SCARA3: variants seen among roughly 807,000 people sequenced by gnomAD.
SCARA3 encodes scavenger receptor class A member 3.
A neutral mutation model predicts 47.0 loss-of-function variants in SCARA3; 39 were observed. The observed-to-expected ratio is 0.83, with a 90% CI of 0.64 to 1.08. The LOEUF (loss-of-function observed/expected upper bound fraction) is 1.08, where lower values mean the gene tolerates loss of function less well. Ranked by LOEUF, SCARA3 falls within the 50% of genes least tolerant of loss-of-function variation. The pLI is 0.00. For synonymous variants in SCARA3, 356 were observed against 334.1 expected, an observed-to-expected ratio of 1.07 and a Z score of -0.71; for missense variants, 724 against 792.3, an observed-to-expected ratio of 0.91 and a Z score of 1.04.
rs1320974832 is a variant in SCARA3, at chr8:27,672,799, C to A, written c.*1448C>A. On this transcript the variant is annotated 3_prime_UTR_variant, in exon 6 of 6. Coordinates refer to ENST00000301904, the MANE Select transcript of SCARA3 (RefSeq NM_016240.3). ...GTTCAAACAGATTCAGGCACCACCCCCTCCACCGCCCGCAAGGTTAGGGCA... is the reference window on the plus strand; with the variant it reads ...GTTCAAACAGATTCAGGCACCACCCACTCCACCGCCCGCAAGGTTAGGGCA... The A allele has an allele frequency of 4.1e-6, 4 of 985,536 alleles. No individual in the cohort carries two copies. The highest frequency in any genetic ancestry group is 1.7e-5 in the African/African-American group (1 of 57,236). The allele number at this position is 985,536 out of a possible 1,614,324, so 61.0% of individuals were successfully genotyped here.
At chr8:27,720,066 G>T in the SCARA3 span, among the ~76,000 whole-genome samples, 1 of 152,156 alleles carries the variant, frequency 6.6e-6, no homozygotes, top group Admixed American at 6.5e-5. Context: ...CCAGGTCAGA[G>T]GATGGGGAGG....
chr8:27,706,678 G>A, the SCARA3 span, among the ~76,000 whole-genome samples: 4 of 152,128 alleles, frequency 2.6e-5, no homozygotes, highest in African/African-American at 9.7e-5. Context: ...GAAGACAAAA[G>A]CAGGTAAATG....
the SCARA3 span, among the ~76,000 whole-genome samples, chr8:27,724,663 A>C: frequency 6.6e-6 from 1 of 152,226 alleles, no homozygotes; most frequent in East Asian, 1.9e-4. Context: ...TTCTCAAAAC[A>C]AAACCAAACA....
the SCARA3 span, chr8:27,701,768 C>T: frequency 2.0e-5 from 3 of 152,486 alleles, no homozygotes; most frequent in Non-Finnish European, 4.5e-5. Context: ...TTATATCACT[C>T]GTATGTCTAC....
chr8:27,703,534 A>T, the SCARA3 span: 1 of 152,404 alleles, frequency 6.6e-6, no homozygotes, highest in African/African-American at 2.4e-5. Flanking sequence ...CTGGTCTCCC[A>T]ACCGGCAATG....
At chr8:27,675,916 A>T (rs1031612687), downstream of SCARA3, among the ~76,000 whole-genome samples, 5 of 152,138 alleles carry the variant, frequency 3.3e-5, no homozygotes, top group African/African-American at 1.2e-4. Flanking sequence ...TGGGGGAGGA[A>T]CGTGTACTTC....
chr8:27,657,386 C>A (rs747296080), intron 4 of SCARA3, among the ~76,000 whole-genome samples: 1 of 149,964 alleles, frequency 6.7e-6, no homozygotes, highest in Non-Finnish European at 1.5e-5. Flanking sequence ...TTGCGTGACA[C>A]TGAGGTTTGG....
chr8:27,695,498 C>T, the SCARA3 span, among the ~76,000 whole-genome samples: 2 of 152,108 alleles, frequency 1.3e-5, no homozygotes, highest in African/African-American at 2.4e-5. Context: ...TAAAAAATTA[C>T]TAACTATAGG....
the SCARA3 span, among the ~76,000 whole-genome samples, chr8:27,711,676 A>T: frequency 1.3e-5 from 2 of 152,156 alleles, no homozygotes; most frequent in Non-Finnish European, 2.9e-5. Flanking sequence ...TAGGAAATAT[A>T]TATTTTTGTA....
the SCARA3 span, among the ~76,000 whole-genome samples, chr8:27,699,280 C>T: frequency 6.6e-6 from 1 of 151,174 alleles, no homozygotes; most frequent in Admixed American, 6.6e-5. Flanking sequence ...CGTTCATTTT[C>T]CTATATTCTT....
the SCARA3 span, among the ~76,000 whole-genome samples, chr8:27,723,798 C>T: frequency 1.8e-3 from 280 of 152,304 alleles, no homozygotes; most frequent in South Asian, 3.7e-3. Flanking sequence ...TGCAACGGTG[C>T]GATCTCAGCT....
At chr8:27,647,167 A>G (rs1334531060) in intron 1 of SCARA3, among the ~76,000 whole-genome samples, 1 of 152,184 alleles carries the variant, frequency 6.6e-6, no homozygotes, top group Non-Finnish European at 1.5e-5. Context: ...ATGCACGTGC[A>G]CACATGTGCA....
intron 1 of SCARA3, among the ~76,000 whole-genome samples, chr8:27,647,671 G>A (rs1419614313): frequency 6.6e-6 from 1 of 152,224 alleles, no homozygotes; most frequent in Admixed American, 6.5e-5. Context: ...CTCCTAGGGA[G>A]AGCACAGAGC....
the SCARA3 span, among the ~76,000 whole-genome samples, chr8:27,710,007 G>A: frequency 2.0e-5 from 3 of 152,226 alleles, no homozygotes; most frequent in South Asian, 6.2e-4. Context: ...AAGGGGGGCG[G>A]ATCATGAGGT....
the SCARA3 span, chr8:27,734,071 A>G: frequency 1.3e-5 from 2 of 152,222 alleles, no homozygotes; most frequent in Non-Finnish European, 2.9e-5. Context: ...AAGGGGTTCA[A>G]CTAATGTCCA....
chr8:27,643,683 C>A (rs982806502), intron 1 of SCARA3, among the ~76,000 whole-genome samples: 6 of 152,310 alleles, frequency 3.9e-5, no homozygotes, highest in Non-Finnish European at 8.8e-5. Flanking sequence ...ACTCTGAAAT[C>A]TTTATTTTTA....
intron 5 of SCARA3, among the ~76,000 whole-genome samples, chr8:27,666,683 T>C (rs1802021777): frequency 6.6e-6 from 1 of 152,338 alleles, no homozygotes; most frequent in Middle Eastern, 3.4e-3. Context: ...CTTTGTTTTA[T>C]TTTCTTCTGT....
intron 2 of SCARA3, among the ~76,000 whole-genome samples, chr8:27,650,427 C>A (rs1220377722): frequency 6.6e-6 from 1 of 152,178 alleles, no homozygotes. Flanking sequence ...GGAACTGTCC[C>A]CTTCATTGTG....
chr8:27,668,516 C>T (rs1353452943), intron 5 of SCARA3, among the ~76,000 whole-genome samples: 13 of 137,930 alleles, frequency 9.4e-5, no homozygotes, highest in East Asian at 4.5e-4. Context: ...GTCCGCAGTC[C>T]GGCCTGGGCG....
Sources: allele counts gnomAD v4.1 joint callset (sites outside exome capture counted in the v4.1 genomes callset), GRCh38; gene constraint gnomAD v4.1.1; transcripts MANE v1.5; gene names NCBI Gene and HGNC (gene_info 2026-07-23, HGNC 2026-07-21).